Variants in POLR2C observed in about 807,000 individuals in gnomAD.
POLR2C encodes the protein DNA-directed RNA polymerase II subunit RPB3.
A neutral mutation model predicts 41.7 loss-of-function variants in POLR2C; 36 were observed. The ratio of observed to expected loss-of-function variants is 0.86; its 90% CI spans 0.66 to 1.14. POLR2C has a LOEUF of 1.14. POLR2C is among the 50% of genes most tolerant of loss of function. POLR2C has a pLI of 0.00. For missense variants in POLR2C, 260 were observed against 350.4 expected (o/e 0.74, Z 2.06); for synonymous variants, 133 against 137.8 (o/e 0.96, Z 0.25).
chr16:57,469,360 C>A lies in POLR2C; in HGVS notation c.387+67C>A. The stretch of plus-strand genomic sequence containing the variant: ...TCTTCTCTGGCTGGCTCCAAGTGGG[C>A]CAGACTGGGGTTGATCCTTAGAAAA... On this transcript the variant is annotated intron_variant, in intron 5 of 8. Transcript: ENST00000219252. The surrounding 1 kb of genome is among the most constrained non-coding windows in gnomAD (Gnocchi z 5.8). 6.4e-7 allele frequency: 1 copy of A among 1,551,928 alleles called. No individual in the cohort carries two copies. The highest frequency in any genetic ancestry group is 1.4e-5 in the African/African-American group (1 of 73,452).
chr16:57,463,283 C>A, intron 2 of POLR2C: 1 of 623,848 alleles, frequency 1.6e-6, no homozygotes, highest in Non-Finnish European at 2.9e-6. Context: ...TAGGTCCACC[C>A]TTGTCCTGGG....
chr16:57,462,912 C>T (rs2030609709), intron 1 of POLR2C, 102 bp downstream of exon 1: 2 of 1,181,254 alleles, frequency 1.7e-6, no homozygotes, highest in South Asian at 1.3e-5. Flanking sequence ...GGGGTGGGGG[C>T]GATGTCCTTC....
chr16:57,466,476 G>A (rs1356029044), intron 4 of POLR2C, among the ~76,000 whole-genome samples: 1 of 152,166 alleles, frequency 6.6e-6, no homozygotes, highest in Non-Finnish European at 1.5e-5. Context: ...TACTTAGAGT[G>A]GAGGTTCTTC....
In POLR2C at chr16:57,466,190, T is replaced by A; in HGVS notation, c.221T>A (p.Ile74Asn). ...IAHRLGLIPLISDDIVDKLQY... is the reference protein window; with the variant it reads ...IAHRLGLIPLNSDDIVDKLQY... ...TTTTTTACAGGATTAATTCCCCTCA[T>A]TAGTGATGACATTGTGGACAAGCTG... Residue 74 changes from isoleucine to asparagine, a missense_variant, in exon 4 of 9, where the codon ATT becomes AAT. Ile to Asn is a moderately radical substitution (Grantham distance 149). Coordinates refer to ENST00000219252, the MANE Select transcript of POLR2C (RefSeq NM_032940.3). The A allele has an allele frequency of 6.2e-7, 1 of 1,602,038 alleles. No homozygotes were observed. Among genetic ancestry groups the A allele is most frequent in the Non-Finnish European group, 8.5e-7 (1 of 1,173,880 alleles).
At chr16:57,466,300 A>G (rs775183317) in intron 4 of POLR2C, 73 bp downstream of exon 4, 7 of 975,378 alleles carry the variant, frequency 7.2e-6, no homozygotes, top group African/African-American at 1.7e-5. Context: ...TTTTCCTGAC[A>G]TTTGGCATCC....
At chr16:57,467,458 A>G (rs2030738058) in intron 4 of POLR2C, among the ~76,000 whole-genome samples, 1 of 152,194 alleles carries the variant, frequency 6.6e-6, no homozygotes, top group Admixed American at 6.5e-5. Flanking sequence ...ATGCTCTATC[A>G]CCTAGCAGTT....
intron 4 of POLR2C, among the ~76,000 whole-genome samples, chr16:57,466,630 C>T (rs1337061130): frequency 6.6e-6 from 1 of 152,210 alleles, no homozygotes; most frequent in Non-Finnish European, 1.5e-5. Flanking sequence ...TCTGCAGATT[C>T]ATGCTGTCCC....
intron 4 of POLR2C, among the ~76,000 whole-genome samples, chr16:57,466,517 G>GACTT (rs2030712596): frequency 6.6e-6 from 1 of 152,182 alleles, no homozygotes; most frequent in Non-Finnish European, 1.5e-5. Flanking sequence ...AGTAGCAGGG[G>GACTT]CCTTAGGATG....
In POLR2C at chr16:57,470,955, A is replaced by C. The variant is rs368642027; in HGVS notation, c.684-20A>C. 1.2e-4 allele frequency: 198 copies of C among 1,611,332 alleles called. No individual in the cohort carries two copies. The African/African-American group carries it at 2.5e-3, about 20-fold the overall frequency. On this transcript the variant is annotated intron_variant, in intron 8 of 8. Transcript: ENST00000219252. ...GGCCAGCCTGCCTCGCAGTGCACTC[A>C]CTGGACTCTTGCCTCCTAGGTTTTA...
rs757967363 is a variant in POLR2C at position 57,469,313 on chromosome 16, C to T, written c.387+20C>T. Reference sequence around the variant, plus strand: ...ATTCCGGTCAGTGCGGGAGAGCATCCTCTTTTCCCTGGGATCTTTTCTCTT... The same window carrying T: ...ATTCCGGTCAGTGCGGGAGAGCATCTTCTTTTCCCTGGGATCTTTTCTCTT... On this transcript the variant is annotated intron_variant, in intron 5 of 8. Transcript: ENST00000219252. The surrounding 1 kb of genome is among the most constrained non-coding windows in gnomAD (Gnocchi z 5.8). 1.2e-5 allele frequency: 19 copies of T among 1,611,762 alleles called. No individual in the cohort carries two copies. Among genetic ancestry groups the T allele is most frequent in the Non-Finnish European group, 1.4e-5 (17 of 1,179,638 alleles).
intron 2 of POLR2C, chr16:57,465,690 C>T: frequency 2.4e-6 from 1 of 411,918 alleles, no homozygotes; most frequent in Non-Finnish European, 4.3e-6. Flanking sequence ...AAACATGTTT[C>T]CACTTCTATG....
intron 3 of POLR2C, 75 bp downstream of exon 3, chr16:57,466,096 T>A: frequency 7.0e-7 from 1 of 1,430,438 alleles, no homozygotes; most frequent in East Asian, 2.3e-5. Context: ...CCTTCCAGCC[T>A]CACCCCCAGA....
chr16:57,470,246 T>C (rs1461051638), intron 7 of POLR2C, 34 bp from the exon 8 acceptor site: 13 of 1,606,886 alleles, frequency 8.1e-6, no homozygotes, highest in African/African-American at 1.3e-5. Flanking sequence ...AAAGGAGCAG[T>C]GGCAACCTTG....
In POLR2C at chr16:57,471,027, C is replaced by G; in HGVS notation, c.736C>G (p.Leu246Val). 6.2e-7 allele frequency: 1 copy of G among 1,613,584 alleles called. No individual in the cohort carries two copies. The highest frequency in any genetic ancestry group is 8.5e-7 in the Non-Finnish European group (1 of 1,179,478). The change falls in exon 9 of 9, where the codon CTG (leucine) becomes GTG (valine). Residue 246 changes from leucine (L) to valine (V), a missense_variant. Coordinates refer to ENST00000219252, the MANE Select transcript of POLR2C (RefSeq NM_032940.3). ...CTCTCTGCGTCCTGAAACCATTGTC[C>G]TGTCAGCCCTCTCAGGATTGAAGAA... is the stretch of plus-strand genomic sequence containing the variant. ...CGSLRPETIV[L>V]SALSGLKKKL... is the part of the protein sequence containing the mutation.
Position 57,469,137 on chromosome 16 carries a change from C to T in POLR2C, c.259-28C>T. 6.2e-7 allele frequency: 1 copy of T among 1,605,566 alleles called. No homozygotes were observed. Among genetic ancestry groups the T allele is most frequent in the Non-Finnish European group, 8.5e-7 (1 of 1,173,218 alleles). ...GGCAGGAGTTGCCATCTCCCTTTGA[C>T]TCATTCCTGCTTCCCTTCCTGCCTT... On this transcript the variant is annotated intron_variant, in intron 4 of 8. Transcript: ENST00000219252. The surrounding 1 kb of genome is among the most constrained non-coding windows in gnomAD (Gnocchi z 5.8).
In POLR2C at chr16:57,462,814, A is replaced by C. The variant is rs553165246; in HGVS notation, c.86+4A>C. The C allele has an allele frequency of 2.5e-6, 4 of 1,584,796 alleles. No homozygotes were observed. The African/African-American group carries it at 5.6e-5, about 22-fold the overall frequency. On this transcript the variant is annotated splice_donor_region_variant and intron_variant, in intron 1 of 8. Coordinates refer to ENST00000219252, the MANE Select transcript of POLR2C (RefSeq NM_032940.3). The stretch of plus-strand genomic sequence containing the variant: ...TCATCGAGAACACCGACCTGGCGTA[A>C]GGCTACCGAGGGAAGAGGCTGGCGG...
In POLR2C at chr16:57,469,587, C is replaced by T; in HGVS notation, c.388-123C>T. 2 of 882,506 alleles carry T rather than the reference C, an allele frequency of 2.3e-6. No homozygotes were observed. The highest frequency in any genetic ancestry group is 3.8e-6 in the Non-Finnish European group (2 of 531,368). 54.7% of individuals were successfully genotyped at this position (882,506 alleles called of 1,614,324 possible). A position where few individuals can be genotyped will look rare whatever the true frequency, so the allele number is the denominator to read the frequency against. ...TGGAGTCCTGGGGGCATCTGTGCCA[C>T]CACCTCGTCAGGTGTTCGTTCCCTG... is the stretch of plus-strand genomic sequence containing the variant. On this transcript the variant is annotated intron_variant, in intron 5 of 8. Coordinates refer to ENST00000219252, the MANE Select transcript of POLR2C (RefSeq NM_032940.3). This position sits in a 1 kb window ranked among gnomAD's most constrained non-coding sequence, Gnocchi z 5.8.
chr16:57,469,315 C>T lies in POLR2C; in HGVS notation c.387+22C>T. 2 of 1,611,818 alleles carry T rather than the reference C, an allele frequency of 1.2e-6. No individual in the cohort carries two copies. The highest frequency in any genetic ancestry group is 2.2e-5 in the South Asian group (2 of 91,042). On this transcript the variant is annotated intron_variant, in intron 5 of 8. Coordinates refer to ENST00000219252, the MANE Select transcript of POLR2C (RefSeq NM_032940.3). This position sits in a 1 kb window ranked among gnomAD's most constrained non-coding sequence, Gnocchi z 5.8. ...TCCGGTCAGTGCGGGAGAGCATCCT[C>T]TTTTCCCTGGGATCTTTTCTCTTCT... is the stretch of plus-strand genomic sequence containing the variant.
intron 2 of POLR2C, among the ~76,000 whole-genome samples, chr16:57,464,617 G>A (rs1286429961): frequency 2.6e-5 from 4 of 152,154 alleles, no homozygotes; most frequent in Non-Finnish European, 5.9e-5. Flanking sequence ...CAGGCCAAAT[G>A]ATTAGGCAAG....
Sources: gnomAD v4.1 joint callset for allele counts (sites outside exome capture counted in the v4.1 genomes callset) on GRCh38, gnomAD v4.1.1 for gene constraint, Gnocchi (gnomAD v3.1) non-coding constraint, MANE v1.5 for transcripts, NCBI Gene and HGNC (gene_info 2026-07-23, HGNC 2026-07-21) for gene names.